Variants in PRKAR1B observed in about 807,000 individuals in gnomAD.
The protein encoded by PRKAR1B is cAMP-dependent protein kinase type I-beta regulatory subunit.
A neutral mutation model predicts 46.5 loss-of-function variants in PRKAR1B; 22 were observed. That is an observed-to-expected ratio of 0.47 (90% CI 0.34 to 0.68). PRKAR1B has a LOEUF of 0.68. Among genes scored for constraint, PRKAR1B ranks in the 30% least tolerant of loss-of-function variants. The probability of loss-of-function intolerance (pLI) is 0.01; values close to 1 mark genes in which losing one functional copy is unlikely to be tolerated. For synonymous variants in PRKAR1B, 259 were observed against 217.7 expected (o/e 1.19, Z -1.67); for missense variants, 445 against 535.6 (o/e 0.83, Z 1.67).
intron 9 of PRKAR1B, among the ~76,000 whole-genome samples, chr7:564,279 G>A (rs942695223): frequency 7.2e-5 from 11 of 152,152 alleles, no homozygotes; most frequent in African/African-American, 1.9e-4. Context: ...ACAGGCCGCC[G>A]CCCCCAGCGT....
chr7:677,177 G>A (rs978617732), intron 4 of PRKAR1B, 52 bp downstream of exon 4: 123 of 1,566,116 alleles, frequency 7.9e-5, no homozygotes, highest in African/African-American at 3.4e-4. Context: ...CCCACCTCCC[G>A]GAGGCCGAGG....
chr7:618,957 G>C (rs778389144), intron 4 of PRKAR1B, among the ~76,000 whole-genome samples: 3 of 152,094 alleles, frequency 2.0e-5, no homozygotes, highest in Non-Finnish European at 4.4e-5. Flanking sequence ...TTTTGTTTAA[G>C]AAAGTGTTTC....
chr7:577,532 C>T (rs1241571458), intron 9 of PRKAR1B, among the ~76,000 whole-genome samples: 2 of 152,276 alleles, frequency 1.3e-5, no homozygotes, highest in East Asian at 3.9e-4. Flanking sequence ...GGGCAGGTCA[C>T]CACACAGCCT....
chr7:689,665 TA>T (rs945498030), intron 2 of PRKAR1B, among the ~76,000 whole-genome samples: 1 of 149,460 alleles, frequency 6.7e-6, no homozygotes, highest in African/African-American at 2.5e-5. Context: ...AGCCTGCATA[TA>T]AAAAAAGACC....
chr7:576,942 G>A (rs528128537), intron 9 of PRKAR1B, among the ~76,000 whole-genome samples: 102 of 151,524 alleles, frequency 6.7e-4, no homozygotes, highest in African/African-American at 2.2e-3. Context: ...TGTTCCAGCG[G>A]TGGTGAGCAT....
At chr7:687,472 G>A (rs1352581932) in intron 2 of PRKAR1B, among the ~76,000 whole-genome samples, 2 of 152,176 alleles carry the variant, frequency 1.3e-5, no homozygotes, top group Admixed American at 6.5e-5. Flanking sequence ...AGAAACACAA[G>A]GGAAGAAATT....
At position 656,915 on chromosome 7, in the gene PRKAR1B, G is replaced by A. The variant is rs575471229; in HGVS notation, c.440+20314C>T. Among the ~76,000 whole-genome samples the A allele has an allele frequency of 7.0e-5, 10 of 142,972 alleles. No homozygotes were observed. The East Asian group carries it at 8.5e-4, about 12-fold the overall frequency. 93.8% of individuals were successfully genotyped at this position (142,972 alleles called of 152,430 possible). On this transcript the variant is annotated intron_variant, in intron 4 of 10. Coordinates refer to ENST00000537384, the MANE Select transcript of PRKAR1B (RefSeq NM_001164760.2). ...TGAGTGAATGCATGGATGGACGGAC[G>A]GATGGATGAATGAATGAATGAGTGA...
At chr7:706,424 T>TTA (rs1780329105) in intron 2 of PRKAR1B, among the ~76,000 whole-genome samples, 1 of 124,052 alleles carries the variant, frequency 8.1e-6, no homozygotes, top group African/African-American at 3.1e-5. Context: ...AATAAGGAAT[T>TTA]TTTTTTTTTT....
intron 9 of PRKAR1B, among the ~76,000 whole-genome samples, chr7:562,256 TG>T (rs1167436986): frequency 5.3e-5 from 1 of 18,798 alleles, no homozygotes; most frequent in Non-Finnish European, 9.7e-5. Flanking sequence ...GGCGGGGAGG[TG>T]GGGGCAGCCA....
rs1391089788 is a variant in PRKAR1B, at chr7:612,134, T to TGGATGGATGTAA, written c.441-4694_441-4683dup. ...AGATTTGAGTAGATTAATGGATGGA[T>TGGATGGATGTAA]GGATGGATGTAAGGATGGATGATGG... On this transcript the variant is annotated intron_variant, in intron 4 of 10. Coordinates refer to ENST00000537384, the MANE Select transcript of PRKAR1B (RefSeq NM_001164760.2). Among the ~76,000 whole-genome samples, 4 of 130,524 alleles carry TGGATGGATGTAA rather than the reference T, an allele frequency of 3.1e-5. No individual in the cohort carries two copies. In the South Asian group the frequency reaches 1.0e-3, roughly 34 times the overall value. The allele number at this position is 130,524 out of a possible 152,430, so 85.6% of individuals were successfully genotyped here. A position where few individuals can be genotyped will look rare whatever the true frequency, so the allele number is the denominator to read the frequency against.
At chr7:685,859 A>C (rs944124483) in intron 2 of PRKAR1B, among the ~76,000 whole-genome samples, 1 of 152,242 alleles carries the variant, frequency 6.6e-6, no homozygotes, top group South Asian at 2.1e-4. Context: ...CTTACAAAGC[A>C]TAAAAGGCAT....
In PRKAR1B at chr7:581,302, CAAA is replaced by C. The variant is rs758386135; in HGVS notation, c.770-1928_770-1926del. On this transcript the variant is annotated intron_variant, in intron 8 of 10. Coordinates refer to ENST00000537384, the MANE Select transcript of PRKAR1B (RefSeq NM_001164760.2). ...TGGGCAACAGAGCAACACTCTGTCT[CAAA>C]AAAAAAAAAAAAAAAAAAAAGTCTG... Among the ~76,000 whole-genome samples, 267 of 103,128 alleles carry C rather than the reference CAAA, an allele frequency of 2.6e-3. 1 individual carries two copies. The highest frequency in any genetic ancestry group is 9.0e-3 in the African/African-American group (253 of 28,024). The allele number at this position is 103,128 out of a possible 152,430, so 67.7% of individuals were successfully genotyped here.
chr7:718,392 T>C (rs1486929722), intron 1 of PRKAR1B, among the ~76,000 whole-genome samples: 1 of 151,014 alleles, frequency 6.6e-6, no homozygotes, highest in Admixed American at 6.6e-5. Flanking sequence ...AGTCTTGCTC[T>C]GTCACCCAGG....
chr7:653,068 C>T (rs1014435192), intron 4 of PRKAR1B, among the ~76,000 whole-genome samples: 5 of 152,176 alleles, frequency 3.3e-5, no homozygotes, highest in African/African-American at 1.2e-4. Flanking sequence ...GGCTGGGCGC[C>T]AAGAAGGACC....
At chr7:716,010 C>T (rs984590888) in intron 1 of PRKAR1B, among the ~76,000 whole-genome samples, 3 of 151,634 alleles carry the variant, frequency 2.0e-5, no homozygotes, top group East Asian at 1.9e-4. Flanking sequence ...CCACCGCACC[C>T]GGCCTAGCCA....
intron 4 of PRKAR1B, among the ~76,000 whole-genome samples, chr7:630,061 G>A (rs1442629166): frequency 6.6e-6 from 1 of 152,110 alleles, no homozygotes; most frequent in Non-Finnish European, 1.5e-5. Flanking sequence ...CGGGACCACG[G>A]CCTCCCAGGG....
At chr7:635,637 C>A (rs9969233) in intron 4 of PRKAR1B, among the ~76,000 whole-genome samples, 29,118 of 152,134 alleles carry the variant, frequency 0.19, 3,118 homozygotes, top group Non-Finnish European at 0.2. Context: ...CCCAGACTAT[C>A]CTGTGAACAG....
chr7:691,445 G>C lies in PRKAR1B; in HGVS notation c.178-10719C>G. 2.4e-6 allele frequency: 3 copies of C among 1,273,196 alleles called. No homozygotes were observed. The East Asian group carries it at 1.7e-4, about 71-fold the overall frequency. The allele number at this position is 1,273,196 out of a possible 1,614,324, so 78.9% of individuals were successfully genotyped here. ...GGAGGGTGGCTTTGATGGAGAGGGA[G>C]TGCCTCCACTCCCACGGATGAAGAT... On this transcript the variant is annotated intron_variant, in intron 2 of 10. Transcript: ENST00000537384.
intron 4 of PRKAR1B, among the ~76,000 whole-genome samples, chr7:641,752 A>T (rs1784399481): frequency 6.6e-6 from 1 of 152,118 alleles, no homozygotes; most frequent in Non-Finnish European, 1.5e-5. Flanking sequence ...GACTCTATTT[A>T]TGTGTTTATT....
Sources: allele counts gnomAD v4.1 joint callset (sites outside exome capture counted in the v4.1 genomes callset), GRCh38; gene constraint gnomAD v4.1.1; transcripts MANE v1.5; gene names NCBI Gene and HGNC (gene_info 2026-07-23, HGNC 2026-07-21).